Variants in KCNIP1 observed in about 807,000 individuals in gnomAD.
KCNIP1 encodes the protein potassium voltage-gated channel interacting protein 1.
KCNIP1 carries 18 observed loss-of-function variants against 33.0 expected under a neutral mutation model. The ratio of observed to expected loss-of-function variants is 0.55; its 90% CI spans 0.38 to 0.81. The LOEUF is 0.81. Among genes scored for constraint, KCNIP1 ranks in the 30% least tolerant of loss-of-function variants. The pLI, the probability that KCNIP1 is intolerant of heterozygous loss-of-function variation, is 0.00. For synonymous variants in KCNIP1, 93 were observed against 98.3 expected (o/e 0.95, Z 0.32); for missense variants, 238 against 271.6 (o/e 0.88, Z 0.87).
intron 1 of KCNIP1, among the ~76,000 whole-genome samples, chr5:170,660,015 G>A (rs1761414325): frequency 6.6e-6 from 1 of 152,106 alleles, no homozygotes; most frequent in South Asian, 2.1e-4. Flanking sequence ...ATGGCCCACA[G>A]AGGTGGGAGG....
intron 1 of KCNIP1, among the ~76,000 whole-genome samples, chr5:170,625,154 C>T (rs1282165759): frequency 2.6e-5 from 4 of 152,184 alleles, no homozygotes; most frequent in African/African-American, 9.7e-5. Context: ...GAGGGCATCT[C>T]ACCCAAGCCC....
intron 1 of KCNIP1, among the ~76,000 whole-genome samples, chr5:170,474,358 G>A (rs1028267628): frequency 6.6e-6 from 1 of 152,020 alleles, no homozygotes; most frequent in South Asian, 2.1e-4. Flanking sequence ...GCCCTACTTT[G>A]AGTCTCATGT....
At chr5:170,361,815 T>C (rs940153326) in intron 1 of KCNIP1, among the ~76,000 whole-genome samples, 5 of 152,110 alleles carry the variant, frequency 3.3e-5, no homozygotes, top group Non-Finnish European at 7.4e-5. Flanking sequence ...ACACACCCCA[T>C]TCAAGAGGCT....
intron 1 of KCNIP1, among the ~76,000 whole-genome samples, chr5:170,531,478 T>A (rs2113346204): frequency 6.6e-6 from 1 of 152,268 alleles, no homozygotes; most frequent in Admixed American, 6.5e-5. Flanking sequence ...AAGTGCCTAC[T>A]TCAATTGCAT....
chr5:170,467,099 T>G (rs1185877070), intron 1 of KCNIP1, among the ~76,000 whole-genome samples: 2 of 151,708 alleles, frequency 1.3e-5, no homozygotes, highest in East Asian at 1.9e-4. Context: ...TTTGGCGGAG[T>G]TGACAAGCAC....
intron 1 of KCNIP1, chr5:170,420,539 A>AAT (rs936391553): frequency 7.9e-5 from 12 of 151,908 alleles, no homozygotes; most frequent in African/African-American, 2.7e-4. Context: ...AACTCAAAAA[A>AAT]AAAAAAAATA....
intron 1 of KCNIP1, chr5:170,374,661 C>A (rs1763938630): frequency 5.9e-5 from 9 of 152,172 alleles, no homozygotes; most frequent in Admixed American, 3.9e-4. Flanking sequence ...ATGATGGAAG[C>A]ACTAGACACT....
In KCNIP1 at chr5:170,434,933, C is replaced by T. The variant is rs546248621; in HGVS notation, c.88+80969C>T. On this transcript the variant is annotated intron_variant, in intron 1 of 7. Transcript: ENST00000377360. ...TCGTGCCACTGAACTCCAGCCTGGG[C>T]GACAGAGCGAGACTCCATCTCAATC... Among the ~76,000 whole-genome samples the T allele has an allele frequency of 9.9e-5, 15 of 152,248 alleles. No homozygotes were observed. In the East Asian group the frequency reaches 1.7e-3, roughly 18 times the overall value.
upstream of KCNIP1, among the ~76,000 whole-genome samples, chr5:170,500,895 A>G (rs1463791844): frequency 1.3e-5 from 2 of 152,248 alleles, no homozygotes; most frequent in East Asian, 1.9e-4. Context: ...TTCACTTGGC[A>G]GAGCATGTGT....
At chr5:170,356,238 G>A (rs1457603312) in intron 1 of KCNIP1, among the ~76,000 whole-genome samples, 1 of 152,196 alleles carries the variant, frequency 6.6e-6, no homozygotes, top group Non-Finnish European at 1.5e-5. Flanking sequence ...TCATTGCACT[G>A]AGTTCTAGAT....
chr5:170,683,738 C>A (rs1248130953), intron 1 of KCNIP1, among the ~76,000 whole-genome samples: 3 of 136,518 alleles, frequency 2.2e-5, no homozygotes, highest in Admixed American at 1.5e-4. Flanking sequence ...TTTTTTTTTT[C>A]TTCGAGACTA....
chr5:170,559,360 A>G (rs1303637789), intron 1 of KCNIP1, among the ~76,000 whole-genome samples: 1 of 152,192 alleles, frequency 6.6e-6, no homozygotes, highest in Non-Finnish European at 1.5e-5. Context: ...TGTATTATTC[A>G]TTTTTGGCTT....
chr5:170,503,999 C>T (rs1754594892), upstream of KCNIP1: 7 of 977,092 alleles, frequency 7.2e-6, no homozygotes, highest in Admixed American at 6.2e-5. Context: ...CCGCCCCCTC[C>T]GCCGCCCCCT....
intron 1 of KCNIP1, among the ~76,000 whole-genome samples, chr5:170,368,901 G>T (rs1165295369): frequency 6.6e-6 from 1 of 152,150 alleles, no homozygotes; most frequent in Non-Finnish European, 1.5e-5. Flanking sequence ...CCAGCCTTCT[G>T]TTCTGTGCTC....
intron 1 of KCNIP1, among the ~76,000 whole-genome samples, chr5:170,668,166 A>G (rs767699873): frequency 5.9e-5 from 9 of 152,206 alleles, no homozygotes; most frequent in Non-Finnish European, 1.2e-4. Context: ...AAAGAACTCT[A>G]AGAGGTTAAG....
At chr5:170,628,186 C>G (rs1429262326) in intron 1 of KCNIP1, among the ~76,000 whole-genome samples, 1 of 152,192 alleles carries the variant, frequency 6.6e-6, no homozygotes, top group Non-Finnish European at 1.5e-5. Flanking sequence ...GGCCTAGCAA[C>G]TTCTCAAGCA....
intron 1 of KCNIP1, among the ~76,000 whole-genome samples, chr5:170,706,302 G>A (rs552074588): frequency 1.3e-5 from 2 of 152,284 alleles, no homozygotes; most frequent in East Asian, 3.9e-4. Flanking sequence ...TTAAACATGT[G>A]CCAGCTATTC....
chr5:170,620,505 C>T (rs1462955168), intron 1 of KCNIP1, among the ~76,000 whole-genome samples: 1 of 152,212 alleles, frequency 6.6e-6, no homozygotes, highest in Non-Finnish European at 1.5e-5. Context: ...CATGAGGGAA[C>T]TAGCCATGAT....
chr5:170,648,814 G>T (rs183254673), intron 1 of KCNIP1, among the ~76,000 whole-genome samples: 10 of 152,286 alleles, frequency 6.6e-5, no homozygotes, highest in African/African-American at 2.4e-4. Context: ...GCATCATCCT[G>T]GTGTGGGATG....
Sources: gnomAD v4.1 joint callset for allele counts (sites outside exome capture counted in the v4.1 genomes callset) on GRCh38, gnomAD v4.1.1 for gene constraint, MANE v1.5 for transcripts, NCBI Gene and HGNC (gene_info 2026-07-23, HGNC 2026-07-21) for gene names.